The following SUGCT variants were observed in gnomAD, a reference collection of about 807,000 sequenced individuals.
The protein encoded by SUGCT is succinyl-CoA:glutarate CoA-transferase.
Under a neutral mutation model 55.0 loss-of-function variants are expected in SUGCT, and 41 were observed. That is an observed-to-expected ratio of 0.74 (90% confidence interval 0.58 to 0.97). The LOEUF is 0.97. Among genes scored for constraint, SUGCT ranks in the 50% least tolerant of loss-of-function variants. The pLI is 0.00. For synonymous variants in SUGCT, 187 were observed against 200.4 expected (o/e 0.93, Z 0.56); for missense variants, 568 against 547.8 (o/e 1.04, Z -0.37).
the SUGCT span, among the ~76,000 whole-genome samples, chr7:40,960,404 A>C: frequency 3.3e-5 from 5 of 151,794 alleles, no homozygotes; most frequent in Non-Finnish European, 7.3e-5. Flanking sequence ...GTCATGGTAC[A>C]TAAATGACAT....
intron 3 of SUGCT, among the ~76,000 whole-genome samples, chr7:40,184,030 TG>T (rs987625916): frequency 6.6e-6 from 1 of 151,890 alleles, no homozygotes; most frequent in Non-Finnish European, 1.5e-5. Flanking sequence ...CAAAAATTAG[TG>T]GGGCATGGTG....
chr7:40,145,345 T>A lies in SUGCT; in HGVS notation c.100+10225T>A, dbSNP rs541666279. Among the ~76,000 whole-genome samples, 75 of 152,324 alleles carry A rather than the reference T, an allele frequency of 4.9e-4. No homozygotes were observed. In the South Asian group the frequency reaches 0.014, roughly 29 times the overall value. On this transcript the variant is annotated intron_variant, in intron 1 of 13. Coordinates refer to ENST00000335693, the MANE Select transcript of SUGCT (RefSeq NM_001193313.2). ...CATTATACAACATTTCTTGCATAAATTCCCTTTTATAACTTTTTTTTTCAC... is the reference window on the plus strand; with the variant it reads ...CATTATACAACATTTCTTGCATAAAATCCCTTTTATAACTTTTTTTTTCAC...
the SUGCT span, among the ~76,000 whole-genome samples, chr7:40,878,795 C>CTTT: frequency 1.4e-5 from 2 of 139,368 alleles, no homozygotes; most frequent in Non-Finnish European, 3.1e-5. Context: ...CTTTCTCAAA[C>CTTT]TTTTTTTTTT....
At chr7:40,887,992 C>G in the SUGCT span, among the ~76,000 whole-genome samples, 1 of 94,080 alleles carries the variant, frequency 1.1e-5, no homozygotes, top group African/African-American at 4.2e-5. Context: ...ATTCTACATG[C>G]AGCATCTTTA....
At chr7:40,884,273 A>G in the SUGCT span, among the ~76,000 whole-genome samples, 1 of 152,254 alleles carries the variant, frequency 6.6e-6, no homozygotes, top group Non-Finnish European at 1.5e-5. Context: ...AACCTTCAGC[A>G]GACTGTCTCC....
At chr7:40,221,378 C>A (rs1248898966) in intron 6 of SUGCT, among the ~76,000 whole-genome samples, 1 of 147,756 alleles carries the variant, frequency 6.8e-6, no homozygotes, top group African/African-American at 2.5e-5. Flanking sequence ...CATGCCACTG[C>A]ACTCCAGCTT....
At chr7:40,970,045 C>A in the SUGCT span, among the ~76,000 whole-genome samples, 215 of 152,310 alleles carry the variant, frequency 1.4e-3, no homozygotes, top group African/African-American at 4.9e-3. Flanking sequence ...TAATTTATTT[C>A]TTTCTGGGCA....
At chr7:40,790,369 A>G (rs1790250278) in intron 13 of SUGCT, among the ~76,000 whole-genome samples, 1 of 152,208 alleles carries the variant, frequency 6.6e-6, no homozygotes, top group African/African-American at 2.4e-5. Flanking sequence ...GAGGCCTCCC[A>G]AGCCCTGTGG....
chr7:40,283,723 G>A (rs1793122158), intron 8 of SUGCT, among the ~76,000 whole-genome samples: 1 of 152,130 alleles, frequency 6.6e-6, no homozygotes. Flanking sequence ...ACTATTAGTG[G>A]GAATGTAAAT....
the SUGCT span, among the ~76,000 whole-genome samples, chr7:41,031,112 C>T: frequency 2.1e-3 from 320 of 152,208 alleles, 1 homozygote; most frequent in African/African-American, 7.3e-3. Context: ...CAAATGCAAG[C>T]CACCACGCTG....
At chr7:40,659,418 G>A (rs959001438) in intron 12 of SUGCT, among the ~76,000 whole-genome samples, 5 of 152,176 alleles carry the variant, frequency 3.3e-5, no homozygotes, top group African/African-American at 1.2e-4. Context: ...TATTAGTAGA[G>A]CTGCCTGAGC....
rs576494071 is a variant in SUGCT, at chr7:40,313,188, TG to T, written c.721-3571del. Among the ~76,000 whole-genome samples the T allele has an allele frequency of 2.2e-4, 33 of 152,340 alleles. No homozygotes were observed. In the South Asian group the frequency reaches 6.0e-3, roughly 28 times the overall value. On this transcript the variant is annotated intron_variant, in intron 8 of 13. Transcript: ENST00000335693. ...ATTATTAAACCAAAGTTGACTTTTT[TG>T]TTTAGATGAAACCATAAAAAGGCAA...
At chr7:41,003,288 GA>G in the SUGCT span, among the ~76,000 whole-genome samples, 1 of 152,130 alleles carries the variant, frequency 6.6e-6, no homozygotes, top group African/African-American at 2.4e-5. Context: ...ATTTAACTCA[GA>G]TACAGGTGGG....
At position 40,259,813 on chromosome 7, in the gene SUGCT, T is replaced by A. The variant is rs574259126; in HGVS notation, c.577-14700T>A. Among the ~76,000 whole-genome samples, 4 of 152,368 alleles carry A rather than the reference T, an allele frequency of 2.6e-5. No homozygotes were observed. The South Asian group carries it at 8.3e-4, about 32-fold the overall frequency. On this transcript the variant is annotated intron_variant, in intron 7 of 13. Transcript: ENST00000335693. ...CTTTTGTATCACAAATTTCTTGACC[T>A]TATTAGATCTTTTAATATTTTAAAC... is the stretch of plus-strand genomic sequence containing the variant.
chr7:40,310,523 C>G (rs1795087588), intron 8 of SUGCT, among the ~76,000 whole-genome samples: 1 of 152,130 alleles, frequency 6.6e-6, no homozygotes, highest in Non-Finnish European at 1.5e-5. Flanking sequence ...AACATTGGCT[C>G]TGTAATTGTT....
chr7:40,725,688 T>C (rs947362876), intron 12 of SUGCT, among the ~76,000 whole-genome samples: 1 of 152,034 alleles, frequency 6.6e-6, no homozygotes, highest in Non-Finnish European at 1.5e-5. Flanking sequence ...TGAAACCCTA[T>C]AGTTAATTGT....
chr7:40,765,664 C>T (rs1386062197), intron 13 of SUGCT, among the ~76,000 whole-genome samples: 1 of 152,058 alleles, frequency 6.6e-6, no homozygotes, highest in African/African-American at 2.4e-5. Flanking sequence ...TTTAAGTTTC[C>T]TTTGTCCTTA....
the SUGCT span, among the ~76,000 whole-genome samples, chr7:41,016,480 A>C: frequency 6.6e-6 from 1 of 151,956 alleles, no homozygotes; most frequent in Non-Finnish European, 1.5e-5. Flanking sequence ...TTTTTCTCTT[A>C]TTTTTCTTTA....
intron 12 of SUGCT, among the ~76,000 whole-genome samples, chr7:40,590,831 A>G (rs973360639): frequency 1.3e-5 from 2 of 152,202 alleles, no homozygotes; most frequent in Admixed American, 1.3e-4. Flanking sequence ...GGAACAACAA[A>G]GCCTGGATTA....
Sources: gnomAD v4.1 joint callset for allele counts (sites outside exome capture counted in the v4.1 genomes callset) on GRCh38, gnomAD v4.1.1 for gene constraint, MANE v1.5 for transcripts, NCBI Gene and HGNC (gene_info 2026-07-23, HGNC 2026-07-21) for gene names.